The following TMPRSS9 variants were observed in gnomAD, a reference collection of about 807,000 sequenced individuals.
TMPRSS9 encodes transmembrane protease serine 9.
TMPRSS9 carries 113 observed loss-of-function variants against 111.4 expected under a neutral mutation model. That is an observed-to-expected ratio of 1.01 (90% CI 0.87 to 1.19). The LOEUF (loss-of-function observed/expected upper bound fraction) is 1.19. Among genes scored for constraint, TMPRSS9 ranks in the 50% most tolerant of loss-of-function variants. TMPRSS9 has a pLI of 0.00. For synonymous variants in TMPRSS9, 805 were observed against 659.1 expected, an observed-to-expected ratio of 1.22 and a Z score of -3.39; for missense variants, 1,803 against 1,513.1, an observed-to-expected ratio of 1.19 and a Z score of -3.18.
rs762761358 is a variant in TMPRSS9 at position 2,368,774 on chromosome 19, G to GTTTTTTTTTTTTTTT, written c.-26+8427_-26+8441dup. Among the ~76,000 whole-genome samples the GTTTTTTTTTTTTTTT allele has an allele frequency of 5.5e-3, 389 of 70,362 alleles. 87 individuals carry two copies. Among genetic ancestry groups the GTTTTTTTTTTTTTTT allele is most frequent in the East Asian group, 0.011 (21 of 1,998 alleles). 46.2% of individuals were successfully genotyped at this position (70,362 alleles called of 152,430 possible). ...TGCCAGGGCATCAAGGATAAACCCAGTTTTTTTTTTTTTTTTTTTTTTTTT... is the reference window on the plus strand; with the variant it reads ...TGCCAGGGCATCAAGGATAAACCCAGTTTTTTTTTTTTTTTTTTTTTTTTTTTTTTTTTTTTTTTT... On this transcript the variant is annotated intron_variant, in intron 1 of 17. Transcript: ENST00000649857.
At chr19:2,370,260 A>C (rs1970277895) in intron 1 of TMPRSS9, among the ~76,000 whole-genome samples, 1 of 142,100 alleles carries the variant, frequency 7.0e-6, no homozygotes, top group Non-Finnish European at 1.5e-5. Context: ...TCTACTAAAA[A>C]TAACAAAAAA....
chr19:2,425,597 A>G, intron 17 of TMPRSS9, 104 bp downstream of exon 18: 1 of 1,382,788 alleles, frequency 7.2e-7, no homozygotes. Context: ...CCTCCGGTGC[A>G]GGCTTCTCCA....
upstream of TMPRSS9, among the ~76,000 whole-genome samples, chr19:2,389,146 T>C (rs1160764326): frequency 1.3e-5 from 2 of 149,336 alleles, no homozygotes; most frequent in Non-Finnish European, 3.0e-5. Flanking sequence ...TGATCTCAGC[T>C]CCCTGCAACC....
At chr19:2,408,055 T>G (rs77503792) in intron 7 of TMPRSS9, among the ~76,000 whole-genome samples, 14,073 of 151,954 alleles carry the variant, frequency 0.093, 945 homozygotes, top group East Asian at 0.26. Context: ...GTGCTGGGAT[T>G]ACAGGCATGA....
intron 1 of TMPRSS9, among the ~76,000 whole-genome samples, chr19:2,368,925 C>T (rs1970268823): frequency 6.6e-6 from 1 of 150,826 alleles, no homozygotes; most frequent in African/African-American, 2.4e-5. Flanking sequence ...GCTGGGATTA[C>T]AGGTGTACGC....
intron 16 of TMPRSS9, 33 bp downstream of exon 17, chr19:2,425,300 C>G: frequency 2.5e-6 from 3 of 1,223,258 alleles, no homozygotes; most frequent in Non-Finnish European, 3.1e-6. Flanking sequence ...TGGTGCGGGG[C>G]TCGGGGGGCG....
exon 16 of TMPRSS9, chr19:2,425,174 C>G: frequency 6.4e-7 from 1 of 1,555,598 alleles, no homozygotes; most frequent in Non-Finnish European, 8.6e-7. Context: ...TCGCAGCCGC[C>G]TGGTGCGTCC....
chr19:2,424,168 GA>G lies in TMPRSS9; in HGVS notation c.2629del (p.Ser877AlafsTer41). 2.0e-6 allele frequency: 3 copies of G among 1,468,248 alleles called. No individual in the cohort carries two copies. Among genetic ancestry groups the G allele is most frequent in the Non-Finnish European group, 2.7e-6 (3 of 1,105,624 alleles). The allele number at this position is 1,468,248 out of a possible 1,614,324, so 91.0% of individuals were successfully genotyped here. A position where few individuals can be genotyped will look rare whatever the true frequency, so the allele number is the denominator to read the frequency against. ...GCCGTGGGGAGTGGCCGTGGCAGGT[GA>G]GCCTGTGGCTGCGGCGCCGGGAACA... On this transcript the variant is annotated frameshift_variant, in exon 15 of 18. Transcript: ENST00000648592. LOFTEE classifies it high-confidence loss of function.
At position 2,365,010 on chromosome 19, in the gene TMPRSS9, G is replaced by T. The variant is rs147987423; in HGVS notation, c.-26+4650G>T. Among the ~76,000 whole-genome samples, 179 of 151,436 alleles carry T rather than the reference G, an allele frequency of 1.2e-3. 2 individuals carry two copies. Among genetic ancestry groups the T allele is most frequent in the African/African-American group, 3.9e-3 (161 of 41,278 alleles). Reference sequence around the variant, plus strand: ...AAAAAAAAGAGCAAAACTGACGCACGACTGTGGGTGCCACACTCTGTCTTC... The same window carrying T: ...AAAAAAAAGAGCAAAACTGACGCACTACTGTGGGTGCCACACTCTGTCTTC... On this transcript the variant is annotated intron_variant, in intron 1 of 17. Transcript: ENST00000649857.
chr19:2,388,826 A>G (rs1970526816), upstream of TMPRSS9, among the ~76,000 whole-genome samples: 1 of 151,670 alleles, frequency 6.6e-6, no homozygotes, highest in African/African-American at 2.4e-5. Context: ...GTCTCACTAT[A>G]TTGCCCAGGC....
intron 1 of TMPRSS9, among the ~76,000 whole-genome samples, chr19:2,384,570 CT>C (rs1970432683): frequency 6.6e-6 from 1 of 151,712 alleles, no homozygotes; most frequent in African/African-American, 2.4e-5. Flanking sequence ...AATCCCAGCA[CT>C]TTGGGAGGCC....
At chr19:2,423,177 C>T (rs964127838) in intron 14 of TMPRSS9, among the ~76,000 whole-genome samples, 1 of 151,956 alleles carries the variant, frequency 6.6e-6, no homozygotes, top group Non-Finnish European at 1.5e-5. Flanking sequence ...GTCCCTGCAG[C>T]CTGGGGGCTC....
chr19:2,414,047 G>A (rs758454246), intron 10 of TMPRSS9, 29 bp downstream of exon 11: 12 of 1,512,492 alleles, frequency 7.9e-6, no homozygotes, highest in Non-Finnish European at 1.1e-5. Flanking sequence ...GGTAGAAGAT[G>A]ATGTACGTGC....
In TMPRSS9 at chr19:2,422,154, GC is replaced by G. The variant is rs1256006936; in HGVS notation, c.2457del (p.Asn820ThrfsTer7). ...TGCCAGCAGGGTGACGGGCCAACCT[GC>G]CAACTCAACCTTATCTGCCGTGAGC... On this transcript the variant is annotated frameshift_variant, in exon 14 of 18. Transcript: ENST00000648592. LOFTEE classifies it high-confidence loss of function. The G allele has an allele frequency of 6.3e-7, 1 of 1,587,612 alleles. No individual in the cohort carries two copies. Among genetic ancestry groups the G allele is most frequent in the Admixed American group, 1.8e-5 (1 of 57,136 alleles).
exon 16 of TMPRSS9, chr19:2,425,022 G>C (rs1215655392): frequency 1.3e-6 from 2 of 1,542,636 alleles, no homozygotes; most frequent in Non-Finnish European, 1.7e-6. Context: ...CCCAAGCAGT[G>C]GGCGGCCTTC....
chr19:2,369,633 C>G (rs551827043), intron 1 of TMPRSS9, among the ~76,000 whole-genome samples: 32 of 134,762 alleles, frequency 2.4e-4, no homozygotes, highest in Admixed American at 6.4e-4. Context: ...GAGATGGGAT[C>G]TCATTATGTT....
At chr19:2,362,801 T>A (rs553907564) in intron 1 of TMPRSS9, among the ~76,000 whole-genome samples, 32 of 151,944 alleles carry the variant, frequency 2.1e-4, no homozygotes, top group South Asian at 2.1e-3. Flanking sequence ...AGGTTGTGTG[T>A]GGTTGTATGT....
exon 15 of TMPRSS9, chr19:2,424,126 G>C: frequency 7.2e-7 from 1 of 1,391,570 alleles, no homozygotes; most frequent in Non-Finnish European, 9.4e-7. Context: ...CCAGGATTGT[G>C]GGCGGCAGCG....
chr19:2,372,367 T>TAA (rs11331621), intron 1 of TMPRSS9, among the ~76,000 whole-genome samples: 1 of 150,056 alleles, frequency 6.7e-6, no homozygotes, highest in African/African-American at 2.4e-5. Flanking sequence ...TACGTTGCTT[T>TAA]AAAAAAAAAA....
Sources: gnomAD v4.1 joint callset for allele counts (sites outside exome capture counted in the v4.1 genomes callset) on GRCh38, gnomAD v4.1.1 for gene constraint, MANE v1.5 for transcripts, NCBI Gene and HGNC (gene_info 2026-07-23, HGNC 2026-07-21) for gene names.